Variants in RASEF observed in about 807,000 individuals in gnomAD.
RASEF encodes the protein ras and EF-hand domain-containing protein.
RASEF carries 68 observed loss-of-function variants against 90.1 expected under a neutral mutation model. The ratio of observed to expected loss-of-function variants is 0.75; its 90% CI spans 0.62 to 0.92. The LOEUF (loss-of-function observed/expected upper bound fraction) is 0.92. Among genes scored for constraint, RASEF ranks in the 40% least tolerant of loss-of-function variants. The pLI, the probability that RASEF is intolerant of heterozygous loss-of-function variation, is 0.00. For missense variants in RASEF, 949 were observed against 937.2 expected (o/e 1.01, Z -0.16); for synonymous variants, 331 against 345.2 (o/e 0.96, Z 0.46).
the RASEF span, among the ~76,000 whole-genome samples, chr9:83,144,417 A>AAAG: frequency 2.6e-4 from 35 of 135,736 alleles, no homozygotes; most frequent in Middle Eastern, 3.8e-3. Context: ...AGAAAGAAAG[A>AAAG]AAAGAAAAGA....
the RASEF span, among the ~76,000 whole-genome samples, chr9:83,109,210 C>T: frequency 2.0e-5 from 3 of 152,158 alleles, no homozygotes; most frequent in African/African-American, 7.2e-5. Flanking sequence ...TGGTGCCTTG[C>T]ACATTGTAGG....
chr9:83,032,039 G>C (rs530356158), intron 1 of RASEF, among the ~76,000 whole-genome samples: 1 of 152,044 alleles, frequency 6.6e-6, no homozygotes, highest in Non-Finnish European at 1.5e-5. Flanking sequence ...ATAGTACCTG[G>C]TCCCTCTACG....
At chr9:83,006,666 CAG>C (rs1732680403) in intron 7 of RASEF, among the ~76,000 whole-genome samples, 1 of 152,042 alleles carries the variant, frequency 6.6e-6, no homozygotes, top group Admixed American at 6.6e-5. Flanking sequence ...ATAAAGCTGA[CAG>C]AGTGGGTATA....
chr9:83,083,223 G>T, the RASEF span, among the ~76,000 whole-genome samples: 2 of 152,008 alleles, frequency 1.3e-5, no homozygotes, highest in African/African-American at 2.4e-5. Context: ...CTCCCAAATT[G>T]GTAAATGGTC....
the RASEF span, among the ~76,000 whole-genome samples, chr9:83,128,463 C>T: frequency 6.8e-5 from 9 of 132,410 alleles, no homozygotes; most frequent in African/African-American, 2.5e-4. Context: ...TTGTTTTAGC[C>T]TTTTTTTTTT....
chr9:83,004,391 TAGTGACCAA>T (rs1343736793), intron 9 of RASEF, 98 bp downstream of exon 9: 2 of 484,762 alleles, frequency 4.1e-6, no homozygotes, highest in Non-Finnish European at 7.2e-6. Flanking sequence ...AAATATAAAT[TAGTGACCAA>T]AGTATATTCT....
At chr9:83,189,455 G>A in the RASEF span, among the ~76,000 whole-genome samples, 1 of 152,136 alleles carries the variant, frequency 6.6e-6, no homozygotes, top group Non-Finnish European at 1.5e-5. Flanking sequence ...GCCCCTCCCA[G>A]ATCAGACATC....
chr9:83,099,785 T>C, the RASEF span, among the ~76,000 whole-genome samples: 7 of 152,202 alleles, frequency 4.6e-5, no homozygotes, highest in Admixed American at 4.6e-4. Context: ...CCTCTAAATT[T>C]GTGAGCTTGC....
At chr9:83,106,572 G>C in the RASEF span, among the ~76,000 whole-genome samples, 1 of 152,122 alleles carries the variant, frequency 6.6e-6, no homozygotes. Flanking sequence ...CCATGTAACA[G>C]CTTGACCCTG....
the RASEF span, among the ~76,000 whole-genome samples, chr9:83,123,019 C>T: frequency 1.3e-5 from 2 of 149,630 alleles, no homozygotes; most frequent in African/African-American, 4.9e-5. Flanking sequence ...GCAGGTGAAT[C>T]ACCTGAGTCA....
the RASEF span, among the ~76,000 whole-genome samples, chr9:83,188,582 A>C: frequency 1.3e-5 from 2 of 152,252 alleles, no homozygotes; most frequent in African/African-American, 4.8e-5. Context: ...ACAATGTACC[A>C]TTAAAAGGCT....
the RASEF span, among the ~76,000 whole-genome samples, chr9:83,164,373 A>ATATATATATATATATATG: frequency 6.9e-4 from 98 of 141,910 alleles, no homozygotes; most frequent in Non-Finnish European, 9.1e-4. Flanking sequence ...ATATATATAT[A>ATATATATATATATATATG]TGTGTGTGTG....
the RASEF span, among the ~76,000 whole-genome samples, chr9:83,112,071 A>T: frequency 6.6e-6 from 1 of 152,098 alleles, no homozygotes; most frequent in African/African-American, 2.4e-5. Context: ...TTGCTATTAA[A>T]GAGCAGCAGC....
At chr9:83,118,084 TA>T in the RASEF span, among the ~76,000 whole-genome samples, 3 of 152,252 alleles carry the variant, frequency 2.0e-5, no homozygotes, top group Non-Finnish European at 4.4e-5. Context: ...AAATACCAAA[TA>T]ATGTAATACA....
At chr9:83,180,205 T>C in the RASEF span, among the ~76,000 whole-genome samples, 1 of 152,158 alleles carries the variant, frequency 6.6e-6, no homozygotes, top group African/African-American at 2.4e-5. Context: ...GAGGAAATAA[T>C]TCTGTTTTTA....
chr9:83,048,873 C>T (rs957850149), intron 1 of RASEF: 16 of 602,144 alleles, frequency 2.7e-5, no homozygotes, highest in Non-Finnish European at 3.3e-5. Flanking sequence ...TCACGCCTGT[C>T]ATCCCAACAC....
the RASEF span, among the ~76,000 whole-genome samples, chr9:83,109,226 A>G: frequency 1.3e-5 from 2 of 152,236 alleles, no homozygotes; most frequent in Middle Eastern, 3.2e-3. Context: ...GTAGGAACCT[A>G]ATGAGTAATA....
At chr9:83,186,468 G>A in the RASEF span, among the ~76,000 whole-genome samples, 1 of 152,054 alleles carries the variant, frequency 6.6e-6, no homozygotes, top group Admixed American at 6.6e-5. Flanking sequence ...TTCTTAGTAT[G>A]ACATTTAAGG....
At chr9:83,009,421 C>T in intron 6 of RASEF, among the ~76,000 whole-genome samples, 1 of 151,970 alleles carries the variant, frequency 6.6e-6, no homozygotes, top group South Asian at 2.1e-4. Context: ...TTTATTAAGC[C>T]CTGCACTAGC....
Sources: allele counts gnomAD v4.1 joint callset (sites outside exome capture counted in the v4.1 genomes callset), GRCh38; gene constraint gnomAD v4.1.1; transcripts MANE v1.5; gene names NCBI Gene and HGNC (gene_info 2026-07-23, HGNC 2026-07-21).